The following LRP5 variants were observed in gnomAD, a reference collection of about 807,000 sequenced individuals.
The protein encoded by LRP5 is LDL receptor related protein 5, also known as low-density lipoprotein receptor-related protein 5.
LRP5 carries 62 observed loss-of-function variants against 154.1 expected under a neutral mutation model. The ratio of observed to expected loss-of-function variants is 0.40; its 90% CI spans 0.33 to 0.50. The LOEUF (loss-of-function observed/expected upper bound fraction) is 0.50, where lower values mean the gene tolerates loss of function less well. LRP5 is among the 20% of genes least tolerant of loss of function. LRP5 has a pLI of 0.55. For missense variants in LRP5, 1,915 were observed against 2,336.7 expected, an observed-to-expected ratio of 0.82 and a Z score of 3.72; for synonymous variants, 966 against 1,011.5, an observed-to-expected ratio of 0.96 and a Z score of 0.85.
the LRP5 span, among the ~76,000 whole-genome samples, chr11:68,305,095 C>T: frequency 6.6e-6 from 1 of 151,898 alleles, no homozygotes; most frequent in East Asian, 1.9e-4. Flanking sequence ...GGATATTTGT[C>T]CCCCCAAACC....
chr11:68,351,803 G>T (rs975791182), intron 2 of LRP5, among the ~76,000 whole-genome samples: 1 of 152,200 alleles, frequency 6.6e-6, no homozygotes. Flanking sequence ...GCTGTGGCGA[G>T]GGGCTTCCGT....
chr11:68,367,609 G>A (rs1829033719), intron 5 of LRP5, among the ~76,000 whole-genome samples: 1 of 152,220 alleles, frequency 6.6e-6, no homozygotes, highest in East Asian at 1.9e-4. Flanking sequence ...GCTGAACTCA[G>A]TGCTGGAGCT....
At chr11:68,316,025 C>A (rs1386642010) in intron 1 of LRP5, among the ~76,000 whole-genome samples, 1 of 152,112 alleles carries the variant, frequency 6.6e-6, no homozygotes, top group Admixed American at 6.5e-5. Context: ...TTACAACCCT[C>A]TCTTCTATCA....
intron 1 of LRP5, among the ~76,000 whole-genome samples, chr11:68,322,371 C>G (rs1465566803): frequency 6.6e-6 from 1 of 152,252 alleles, no homozygotes; most frequent in Non-Finnish European, 1.5e-5. Context: ...TCTGGAACCT[C>G]CCCTTTGCCC....
chr11:68,358,363 C>T (rs1007761281), intron 3 of LRP5, among the ~76,000 whole-genome samples: 1 of 152,320 alleles, frequency 6.6e-6, no homozygotes, highest in South Asian at 2.1e-4. Context: ...GATCCTTCCC[C>T]TCGGCTCCCA....
rs150783920 is a variant in LRP5 at position 68,364,149 on chromosome 11, G to A, written c.883+206G>A. ...CTGCTGCAATGGAGGGAGGTGTGTG[G>A]CTGGCTGGGGGACACGGGCCTGCAG... On this transcript the variant is annotated intron_variant, in intron 4 of 22. Coordinates refer to ENST00000294304, the MANE Select transcript of LRP5 (RefSeq NM_002335.4). 7.8e-3 allele frequency among the ~76,000 whole-genome samples: 1,183 copies of A among 151,862 alleles called. 12 individuals carry two copies. Among genetic ancestry groups the A allele is most frequent in the African/African-American group, 0.026 (1,078 of 41,388 alleles).
At chr11:68,304,345 G>T in the LRP5 span, among the ~76,000 whole-genome samples, 274 of 152,394 alleles carry the variant, frequency 1.8e-3, no homozygotes, top group Admixed American at 4.8e-3. Context: ...GCCTGTAGGT[G>T]TGCAGAGTGC....
At chr11:68,298,522 C>G in the LRP5 span, among the ~76,000 whole-genome samples, 1 of 152,214 alleles carries the variant, frequency 6.6e-6, no homozygotes. Context: ...GAGCTCTCAG[C>G]TTCACCAGCT....
intron 5 of LRP5, among the ~76,000 whole-genome samples, chr11:68,368,751 G>A (rs2098632459): frequency 6.6e-6 from 1 of 152,098 alleles, no homozygotes; most frequent in Non-Finnish European, 1.5e-5. Flanking sequence ...GAACCGTAAG[G>A]CTTCCTGCTA....
chr11:68,439,210 G>A (rs1226717703), intron 20 of LRP5, among the ~76,000 whole-genome samples: 1 of 152,230 alleles, frequency 6.6e-6, no homozygotes, highest in Non-Finnish European at 1.5e-5. Context: ...ACCATGGTAT[G>A]TCTAAGAAGG....
intron 5 of LRP5, among the ~76,000 whole-genome samples, chr11:68,376,578 C>T (rs957567515): frequency 7.2e-5 from 11 of 152,238 alleles, no homozygotes; most frequent in Admixed American, 5.9e-4. Flanking sequence ...GCCTGGCGTC[C>T]TGGCCGGCCC....
intron 5 of LRP5, among the ~76,000 whole-genome samples, chr11:68,374,285 C>T (rs992422794): frequency 2.0e-5 from 3 of 152,146 alleles, no homozygotes; most frequent in Admixed American, 1.3e-4. Context: ...GAATAACGGG[C>T]GTTTGTTCCC....
intron 14 of LRP5, among the ~76,000 whole-genome samples, chr11:68,424,809 C>T (rs538986563): frequency 8.1e-4 from 123 of 152,208 alleles, no homozygotes; most frequent in Non-Finnish European, 1.6e-3. Flanking sequence ...CTCTTCTGTA[C>T]CATTGAAGGA....
chr11:68,317,090 G>A (rs868745391), intron 1 of LRP5, among the ~76,000 whole-genome samples: 2 of 152,204 alleles, frequency 1.3e-5, no homozygotes, highest in Admixed American at 6.5e-5. Flanking sequence ...GCTGTCCTGG[G>A]GCCAGTGAGG....
upstream of LRP5, among the ~76,000 whole-genome samples, chr11:68,307,774 C>T (rs146940114): frequency 6.6e-5 from 10 of 152,216 alleles, no homozygotes; most frequent in African/African-American, 2.2e-4. Context: ...GCCGTAATCA[C>T]ACCACTGCAC....
intron 1 of LRP5, among the ~76,000 whole-genome samples, chr11:68,326,395 C>T (rs2098599695): frequency 6.6e-6 from 1 of 152,250 alleles, no homozygotes; most frequent in African/African-American, 2.4e-5. Flanking sequence ...GACCAGCAGC[C>T]CTTTCTGGCC....
chr11:68,449,174 A>T lies in LRP5; in HGVS notation c.*104A>T. ...GATTTAAAAAATAAATATAATTGGG[A>T]TTTTAAAAACATGAGAAATGTGAAC... On this transcript the variant is annotated 3_prime_UTR_variant, in exon 23 of 23. Coordinates refer to ENST00000294304, the MANE Select transcript of LRP5 (RefSeq NM_002335.4). The T allele has an allele frequency of 5.1e-6, 4 of 789,878 alleles. No homozygotes were observed. The highest frequency in any genetic ancestry group is 7.0e-6 in the Non-Finnish European group (4 of 569,120). 48.9% of individuals were successfully genotyped at this position (789,878 alleles called of 1,614,324 possible).
chr11:68,365,133 C>T (rs1408239312), intron 4 of LRP5, among the ~76,000 whole-genome samples: 1 of 152,152 alleles, frequency 6.6e-6, no homozygotes, highest in African/African-American at 2.4e-5. Flanking sequence ...CTGGGGTTCC[C>T]GTCACTACCA....
chr11:68,359,399 G>C (rs2098625805), intron 3 of LRP5, among the ~76,000 whole-genome samples: 1 of 152,178 alleles, frequency 6.6e-6, no homozygotes, highest in South Asian at 2.1e-4. Context: ...TTTGAGATTT[G>C]GAAATGTGGT....
Sources: allele counts gnomAD v4.1 joint callset (sites outside exome capture counted in the v4.1 genomes callset), GRCh38; gene constraint gnomAD v4.1.1; transcripts MANE v1.5; gene names NCBI Gene and HGNC (gene_info 2026-07-23, HGNC 2026-07-21).